The following SH3PXD2A variants were observed in gnomAD, a reference collection of about 807,000 sequenced individuals.
The protein encoded by SH3PXD2A is SH3 and PX domain-containing protein 2A.
Under a neutral mutation model 115.2 loss-of-function variants are expected in SH3PXD2A, and 32 were observed. The observed-to-expected ratio is 0.28, with a 90% CI of 0.21 to 0.37. The LOEUF is 0.37. Among genes scored for constraint, SH3PXD2A ranks in the 10% least tolerant of loss-of-function variants. The probability of loss-of-function intolerance (pLI) is 1.00; values close to 1 mark genes in which losing one functional copy is unlikely to be tolerated. For synonymous variants in SH3PXD2A, 610 were observed against 629.1 expected (o/e 0.97, Z 0.45); for missense variants, 1,328 against 1,498.7 (o/e 0.89, Z 1.88).
intron 14 of SH3PXD2A, among the ~76,000 whole-genome samples, chr10:103,604,522 T>C (rs1483534966): frequency 1.3e-5 from 2 of 152,134 alleles, no homozygotes; most frequent in African/African-American, 2.4e-5. Context: ...CTGGGGTCCA[T>C]TTGGACTGGG....
intron 9 of SH3PXD2A, among the ~76,000 whole-genome samples, chr10:103,623,269 G>GCC: frequency 6.7e-6 from 1 of 149,392 alleles, no homozygotes; most frequent in African/African-American, 2.5e-5. Context: ...GATGACAGGG[G>GCC]CCCCCTCCCC....
chr10:103,632,997 C>T (rs1021709217), intron 8 of SH3PXD2A, among the ~76,000 whole-genome samples: 11 of 151,280 alleles, frequency 7.3e-5, no homozygotes, highest in African/African-American at 2.7e-4. Flanking sequence ...CAAACCTCCC[C>T]CCGGCCAAAA....
At chr10:103,852,798 T>A (rs987058047) in intron 1 of SH3PXD2A, among the ~76,000 whole-genome samples, 1 of 152,230 alleles carries the variant, frequency 6.6e-6, no homozygotes, top group Non-Finnish European at 1.5e-5. Context: ...TATTAATATA[T>A]ACAATGCCCC....
intron 6 of SH3PXD2A, among the ~76,000 whole-genome samples, chr10:103,681,020 C>T (rs1310493338): frequency 1.3e-5 from 2 of 152,200 alleles, no homozygotes; most frequent in Non-Finnish European, 2.9e-5. Flanking sequence ...ATAAACCAAA[C>T]GCTGAAGTGA....
At chr10:103,771,389 C>T (rs2038817334) in intron 2 of SH3PXD2A, among the ~76,000 whole-genome samples, 1 of 152,156 alleles carries the variant, frequency 6.6e-6, no homozygotes, top group Non-Finnish European at 1.5e-5. Context: ...TCATTCCTTT[C>T]CCCCAAGAAC....
intron 5 of SH3PXD2A, among the ~76,000 whole-genome samples, chr10:103,700,363 T>C (rs1253199082): frequency 6.6e-6 from 1 of 152,192 alleles, no homozygotes; most frequent in Non-Finnish European, 1.5e-5. Flanking sequence ...ATCTGGCCCA[T>C]GGAAAGGACC....
chr10:103,797,061 G>C (rs1159460925), intron 2 of SH3PXD2A, among the ~76,000 whole-genome samples: 1 of 151,756 alleles, frequency 6.6e-6, no homozygotes, highest in Non-Finnish European at 1.5e-5. Flanking sequence ...ACGGGATCTT[G>C]CCGCATTGCC....
chr10:103,741,098 T>G (rs1177709410), intron 3 of SH3PXD2A, among the ~76,000 whole-genome samples: 1 of 152,156 alleles, frequency 6.6e-6, no homozygotes, highest in Non-Finnish European at 1.5e-5. Flanking sequence ...AGAGAAGAAT[T>G]TAGAGAATGG....
At chr10:103,695,528 A>G (rs2134135123) in intron 5 of SH3PXD2A, among the ~76,000 whole-genome samples, 1 of 152,020 alleles carries the variant, frequency 6.6e-6, no homozygotes, top group South Asian at 2.1e-4. Flanking sequence ...AAAAAAAAAA[A>G]AGAGTGGGGA....
intron 7 of SH3PXD2A, chr10:103,661,688 G>C: frequency 1.0e-6 from 1 of 985,286 alleles, no homozygotes; most frequent in Non-Finnish European, 1.2e-6. Flanking sequence ...AGAGGAGAGA[G>C]CGGGAGAGAG....
chr10:103,713,021 A>C (rs1029601760), intron 5 of SH3PXD2A, among the ~76,000 whole-genome samples: 1 of 152,240 alleles, frequency 6.6e-6, no homozygotes, highest in Non-Finnish European at 1.5e-5. Context: ...AACCATGCTC[A>C]AGGGTCCAGC....
intron 6 of SH3PXD2A, among the ~76,000 whole-genome samples, chr10:103,680,385 A>T (rs1206823138): frequency 6.6e-6 from 1 of 152,026 alleles, no homozygotes; most frequent in Non-Finnish European, 1.5e-5. Flanking sequence ...TGGGCTCAAC[A>T]ATCCTTCTTT....
chr10:103,724,763 G>C (rs2038220896), intron 4 of SH3PXD2A, among the ~76,000 whole-genome samples: 1 of 151,468 alleles, frequency 6.6e-6, no homozygotes. Flanking sequence ...CAACCAGCCA[G>C]TCAACCAACT....
intron 8 of SH3PXD2A, among the ~76,000 whole-genome samples, chr10:103,648,586 C>T (rs2037071922): frequency 6.6e-6 from 1 of 152,238 alleles, no homozygotes; most frequent in African/African-American, 2.4e-5. Context: ...CCATCAGCCT[C>T]TCTGCTTTCA....
chr10:103,678,217 A>C (rs1182263375), intron 6 of SH3PXD2A: 1 of 1,192,772 alleles, frequency 8.4e-7, no homozygotes, highest in African/African-American at 1.6e-5. Context: ...GGAGCCCCTG[A>C]GCCTTTCCTT....
chr10:103,769,181 T>TGCGCGCGC (rs139822501), intron 2 of SH3PXD2A, among the ~76,000 whole-genome samples: 1 of 112,948 alleles, frequency 8.9e-6, no homozygotes, highest in African/African-American at 3.0e-5. Context: ...TGTGTGTGTG[T>TGCGCGCGC]GCGCGCGCGC....
At chr10:103,846,933 G>A (rs951577526) in intron 1 of SH3PXD2A, among the ~76,000 whole-genome samples, 2 of 152,242 alleles carry the variant, frequency 1.3e-5, no homozygotes, top group Non-Finnish European at 2.9e-5. Flanking sequence ...CTGAGCCTTT[G>A]TGCTGTCACC....
chr10:103,852,638 C>G (rs1842906896), intron 1 of SH3PXD2A, among the ~76,000 whole-genome samples: 1 of 152,198 alleles, frequency 6.6e-6, no homozygotes, highest in Non-Finnish European at 1.5e-5. Flanking sequence ...AACACTTGAG[C>G]TTTTGGTGTG....
chr10:103,693,249 G>A (rs1245085618), intron 5 of SH3PXD2A, 193 bp from the exon 6 acceptor site: 1 of 127,374 alleles, frequency 7.9e-6, no homozygotes, highest in African/African-American at 3.0e-5. Context: ...GCCCGCCCGC[G>A]GGCCCCCTGC....
Sources: gnomAD v4.1 joint callset for allele counts (sites outside exome capture counted in the v4.1 genomes callset) on GRCh38, gnomAD v4.1.1 for gene constraint, MANE v1.5 for transcripts, NCBI Gene and HGNC (gene_info 2026-07-23, HGNC 2026-07-21) for gene names.